The following PDE10A variants were observed in gnomAD, a reference collection of about 807,000 sequenced individuals.
PDE10A encodes the protein phosphodiesterase 10A.
In PDE10A, 39 loss-of-function variants were observed where a neutral mutation model predicts 97.7. The observed-to-expected ratio is 0.40, with a 90% CI of 0.31 to 0.52. PDE10A has a LOEUF of 0.52. Among genes scored for constraint, PDE10A ranks in the 20% least tolerant of loss-of-function variants. The probability of loss-of-function intolerance (pLI) is 0.56; values close to 1 mark genes in which losing one functional copy is unlikely to be tolerated. For synonymous variants in PDE10A, 371 were observed against 376.8 expected, an observed-to-expected ratio of 0.98 and a Z score of 0.18; for missense variants, 731 against 1,047.8, an observed-to-expected ratio of 0.70 and a Z score of 4.17.
Position 165,413,609 on chromosome 6 carries a change from A to C in PDE10A, c.1968T>G (p.Gly656=). ...TGATTTTGTTGACCATCTGCACCACACCTATCACGCTGCCTCGGCTGACGA... is the reference window on the plus strand; with the variant it reads ...TGATTTTGTTGACCATCTGCACCACCCCTATCACGCTGCCTCGGCTGACGA... ...MPIVSRGSVI[G]VVQMVNKISG... The change falls in exon 13 of 22, where the codon GGT becomes GGG. Residue 656 remains glycine (G), a synonymous_variant. Transcript: ENST00000539869. 6.2e-7 allele frequency: 1 copy of C among 1,614,040 alleles called. No homozygotes were observed. The highest frequency in any genetic ancestry group is 1.1e-5 in the South Asian group (1 of 91,064).
At chr6:165,437,103 C>T (rs939377741) in intron 5 of PDE10A, among the ~76,000 whole-genome samples, 4 of 152,124 alleles carry the variant, frequency 2.6e-5, no homozygotes, top group African/African-American at 7.2e-5. Flanking sequence ...TAAAGAAGAA[C>T]ATGTCATAAT....
Position 165,428,750 on chromosome 6 carries a change from G to T in PDE10A, c.1602-41C>A, listed in dbSNP as rs368485726. 4 of 777,710 alleles carry T rather than the reference G, an allele frequency of 5.1e-6. No individual in the cohort carries two copies. In the African/African-American group the frequency reaches 5.3e-5, roughly 10 times the overall value. 48.2% of individuals were successfully genotyped at this position (777,710 alleles called of 1,614,324 possible). Reference sequence around the variant, plus strand: ...ATAAATCCTGTAAGTAATTTCATTAGTTCACAGTACATATTACACTTTGAA... The same window carrying T: ...ATAAATCCTGTAAGTAATTTCATTATTTCACAGTACATATTACACTTTGAA... On this transcript the variant is annotated intron_variant, in intron 9 of 21. Coordinates refer to ENST00000539869, the MANE Select transcript of PDE10A (RefSeq NM_001385079.1).
At position 165,328,098 on chromosome 6, in the gene PDE10A, G is replaced by T. The variant is rs973912773; in HGVS notation, c.*4927C>A. On this transcript the variant is annotated 3_prime_UTR_variant, in exon 22 of 22. Coordinates refer to ENST00000539869, the MANE Select transcript of PDE10A (RefSeq NM_001385079.1). ...AGCATGTAATTTCAAATAGGTAGGG[G>T]CATTGTATAGAAACACCTTCTCTGG... The T allele has an allele frequency of 6.6e-6, 1 of 152,132 alleles. No homozygotes were observed. The highest frequency in any genetic ancestry group is 2.4e-5 in the African/African-American group (1 of 41,420). 9.4% of individuals were successfully genotyped at this position (152,132 alleles called of 1,614,324 possible).
Position 165,390,813 on chromosome 6 carries a change from C to T in PDE10A, c.2454+1833G>A, listed in dbSNP as rs79879688. Among the ~76,000 whole-genome samples the T allele has an allele frequency of 5.8e-3, 879 of 152,294 alleles. 9 individuals carry two copies. Among genetic ancestry groups the T allele is most frequent in the African/African-American group, 0.02 (826 of 41,558 alleles). ...GATAATGCTGAACTGGTTTTTCCCGCCACATAATTGGAAGGGAAATCTCGC... is the reference window on the plus strand; with the variant it reads ...GATAATGCTGAACTGGTTTTTCCCGTCACATAATTGGAAGGGAAATCTCGC... On this transcript the variant is annotated intron_variant, in intron 16 of 21. Transcript: ENST00000539869.
At chr6:165,733,680 A>G (rs1438207789) in intron 1 of PDE10A, among the ~76,000 whole-genome samples, 2 of 152,242 alleles carry the variant, frequency 1.3e-5, no homozygotes, top group Non-Finnish European at 2.9e-5. Context: ...GGCTGGGATT[A>G]TTAAAACACC....
chr6:165,589,817 T>C (rs1786143845), intron 1 of PDE10A, among the ~76,000 whole-genome samples: 1 of 152,038 alleles, frequency 6.6e-6, no homozygotes, highest in African/African-American at 2.4e-5. Flanking sequence ...AGTAACAAGT[T>C]AGAAAGCAAG....
intron 1 of PDE10A, among the ~76,000 whole-genome samples, chr6:165,639,294 C>A (rs1330407533): frequency 1.3e-5 from 2 of 152,216 alleles, no homozygotes; most frequent in African/African-American, 4.8e-5. Context: ...ACATTCATTA[C>A]ATCACACCCA....
intron 18 of PDE10A, among the ~76,000 whole-genome samples, chr6:165,362,945 GAATA>G (rs1304144224): frequency 6.6e-6 from 1 of 152,100 alleles, no homozygotes; most frequent in African/African-American, 2.4e-5. Context: ...CTTACTAATA[GAATA>G]AATAACAAAA....
intron 1 of PDE10A, among the ~76,000 whole-genome samples, chr6:165,733,324 T>G (rs893138909): frequency 6.6e-6 from 1 of 152,252 alleles, no homozygotes; most frequent in African/African-American, 2.4e-5. Flanking sequence ...AACAGCCTAC[T>G]TGTGCTGGGG....
chr6:165,819,062 C>T lies in PDE10A; in HGVS notation c.-615+168467G>A, dbSNP rs1779495415. Among the ~76,000 whole-genome samples the T allele has an allele frequency of 6.6e-6, 1 of 152,158 alleles. No homozygotes were observed. Among genetic ancestry groups the T allele is most frequent in the Non-Finnish European group, 1.5e-5 (1 of 68,032 alleles). ...TCATTCTGTACATTTATGAAGCCTC[C>T]GTCTAAGCTTGAGTCCTGTGTGCCC... On this transcript the variant is annotated intron_variant, in intron 1 of 19. Transcript: ENST00000366882. The surrounding 1 kb of genome is among the most constrained non-coding windows in gnomAD (Gnocchi z 4.2).
intron 1 of PDE10A, among the ~76,000 whole-genome samples, chr6:165,601,243 C>T (rs2983532): frequency 0.22 from 34,159 of 152,074 alleles, 4,498 homozygotes; most frequent in East Asian, 0.62. Flanking sequence ...GCCTCCTCAG[C>T]CACGTGGAAC....
chr6:165,358,278 T>G (rs1255345711), intron 18 of PDE10A, among the ~76,000 whole-genome samples: 1 of 152,130 alleles, frequency 6.6e-6, no homozygotes, highest in Non-Finnish European at 1.5e-5. Flanking sequence ...CTTCTGTAAG[T>G]TACTTAAGGA....
intron 3 of PDE10A, among the ~76,000 whole-genome samples, chr6:165,463,090 G>A (rs945028761): frequency 1.3e-5 from 2 of 152,226 alleles, no homozygotes; most frequent in Non-Finnish European, 2.9e-5. Flanking sequence ...GGTCCCCTAA[G>A]GGGATGTTTA....
intron 18 of PDE10A, among the ~76,000 whole-genome samples, chr6:165,363,059 G>A (rs1413749430): frequency 6.6e-6 from 1 of 152,036 alleles, no homozygotes; most frequent in Non-Finnish European, 1.5e-5. Context: ...AGAATTAGAA[G>A]GAAACTTCCT....
intron 1 of PDE10A, among the ~76,000 whole-genome samples, chr6:165,752,104 C>A (rs1019301541): frequency 1.4e-5 from 2 of 144,260 alleles, no homozygotes; most frequent in Admixed American, 7.1e-5. Context: ...GATCACGCCA[C>A]TGCACTCCAG....
At chr6:165,487,254 C>T (rs1450056115) in intron 2 of PDE10A, among the ~76,000 whole-genome samples, 4 of 152,156 alleles carry the variant, frequency 2.6e-5, no homozygotes, top group African/African-American at 9.7e-5. Context: ...TGTCCAACAA[C>T]CTGTCTTTGT....
intron 1 of PDE10A, among the ~76,000 whole-genome samples, chr6:165,836,093 T>C (rs978744814): frequency 6.6e-6 from 1 of 152,154 alleles, no homozygotes; most frequent in African/African-American, 2.4e-5. Context: ...GTCCAAAGCC[T>C]CCGTCTTCTG....
At chr6:165,345,755 A>G (rs1740796630) in intron 18 of PDE10A, among the ~76,000 whole-genome samples, 1 of 152,254 alleles carries the variant, frequency 6.6e-6, no homozygotes. Context: ...GCCTGCATGT[A>G]TCTGGCAGTT....
intron 13 of PDE10A, among the ~76,000 whole-genome samples, chr6:165,398,968 T>G (rs1030757502): frequency 1.3e-5 from 2 of 152,140 alleles, no homozygotes; most frequent in Non-Finnish European, 2.9e-5. Context: ...AGAGTAAAAT[T>G]AAAATGATGG....
Sources: allele counts gnomAD v4.1 joint callset (sites outside exome capture counted in the v4.1 genomes callset), GRCh38; gene constraint gnomAD v4.1.1; non-coding constraint Gnocchi (gnomAD v3.1); transcripts MANE v1.5; gene names NCBI Gene and HGNC (gene_info 2026-07-23, HGNC 2026-07-21).